ZHX2: variants seen among roughly 807,000 people sequenced by gnomAD.
The protein encoded by ZHX2 is zinc fingers and homeoboxes 2.
In ZHX2, 6 loss-of-function variants were observed where a neutral mutation model predicts 21.9. The ratio of observed to expected loss-of-function variants is 0.27; its 90% confidence interval spans 0.15 to 0.54. The LOEUF is 0.54. Ranked by LOEUF, ZHX2 falls within the 20% of genes least tolerant of loss-of-function variation. The pLI is 0.95. For missense variants in ZHX2, 908 were observed against 1,090.7 expected, an observed-to-expected ratio of 0.83 and a Z score of 2.36; for synonymous variants, 434 against 437.1, an observed-to-expected ratio of 0.99 and a Z score of 0.09.
chr8:122,846,655 C>T (rs146803701), intron 1 of ZHX2, among the ~76,000 whole-genome samples: 1 of 149,260 alleles, frequency 6.7e-6, no homozygotes, highest in Non-Finnish European at 1.5e-5. Context: ...CCTTAAATAA[C>T]CTTTGTCCTA....
At chr8:122,908,029 G>A (rs1004927517) in intron 2 of ZHX2, among the ~76,000 whole-genome samples, 6 of 152,158 alleles carry the variant, frequency 3.9e-5, no homozygotes, top group East Asian at 1.9e-4. Flanking sequence ...GAAGACCTGC[G>A]TACATCCTTG....
intron 1 of ZHX2, among the ~76,000 whole-genome samples, chr8:122,802,048 G>A (rs1428044055): frequency 2.6e-5 from 4 of 152,038 alleles, no homozygotes. Flanking sequence ...AGTGGAGGTG[G>A]CTGTACAGTT....
intron 1 of ZHX2, among the ~76,000 whole-genome samples, chr8:122,809,377 G>A (rs979977364): frequency 1.3e-5 from 2 of 152,224 alleles, no homozygotes; most frequent in Admixed American, 1.3e-4. Context: ...GTAGGCGCCT[G>A]TAATCCCAGC....
At chr8:122,924,794 A>C (rs771699210) in intron 2 of ZHX2, among the ~76,000 whole-genome samples, 4 of 152,222 alleles carry the variant, frequency 2.6e-5, no homozygotes, top group Non-Finnish European at 4.4e-5. Context: ...AAAATGGTCC[A>C]CCATACCCCA....
At chr8:122,781,509 C>T (rs1035340320), upstream of ZHX2, 6 of 152,514 alleles carry the variant, frequency 3.9e-5, no homozygotes, top group African/African-American at 1.4e-4. This position sits in a 1 kb window ranked among gnomAD's most constrained non-coding sequence, Gnocchi z 4.6. Flanking sequence ...CTAGCCTCCC[C>T]CCCAGCTCCT....
intron 1 of ZHX2, among the ~76,000 whole-genome samples, chr8:122,832,244 G>A (rs1235643729): frequency 6.6e-6 from 1 of 152,218 alleles, no homozygotes; most frequent in Non-Finnish European, 1.5e-5. Flanking sequence ...GGGCAGAGAT[G>A]AGACTTAGTA....
In ZHX2 at chr8:122,819,368, C is replaced by G. The variant is rs77757173; in HGVS notation, c.-283+37422C>G. Among the ~76,000 whole-genome samples, 85 of 152,318 alleles carry G rather than the reference C, an allele frequency of 5.6e-4. No individual in the cohort carries two copies. In the East Asian group the frequency reaches 0.015, roughly 27 times the overall value. ...AATGCATGGCATAGAGTAAGCATGC[C>G]AGCAGTCCAGACCGTTATTCCCAGC... On this transcript the variant is annotated intron_variant, in intron 1 of 3. Transcript: ENST00000314393.
Position 122,809,674 on chromosome 8 carries a change from G to A in ZHX2, c.-283+27728G>A, listed in dbSNP as rs746884902. The stretch of plus-strand genomic sequence containing the variant: ...GAAACCAATGTGCCTGAGGGGACCC[G>A]AACCACACCCTTGCCCCACTTGTCA... On this transcript the variant is annotated intron_variant, in intron 1 of 3. Transcript: ENST00000314393. Among the ~76,000 whole-genome samples the A allele has an allele frequency of 1.6e-4, 24 of 152,240 alleles. No individual in the cohort carries two copies. The South Asian group carries it at 2.1e-3, about 13-fold the overall frequency.
chr8:122,849,556 C>T (rs1428639494), intron 1 of ZHX2, among the ~76,000 whole-genome samples: 1 of 152,126 alleles, frequency 6.6e-6, no homozygotes, highest in Non-Finnish European at 1.5e-5. Flanking sequence ...GCTGGCATTC[C>T]TTGTGGCTGC....
intron 2 of ZHX2, among the ~76,000 whole-genome samples, chr8:122,901,288 G>A (rs1290240310): frequency 6.6e-6 from 1 of 152,162 alleles, no homozygotes; most frequent in Non-Finnish European, 1.5e-5. Flanking sequence ...TACCTCCCCT[G>A]CTTCTGGAAG....
intron 1 of ZHX2, among the ~76,000 whole-genome samples, chr8:122,852,512 G>T (rs4871316): frequency 0.26 from 39,457 of 151,454 alleles, 5,226 homozygotes; most frequent in Middle Eastern, 0.38. Flanking sequence ...GCTAATCATC[G>T]GCAGGCCCAG....
chr8:122,851,684 G>A (rs918099307), intron 1 of ZHX2, among the ~76,000 whole-genome samples: 2 of 152,234 alleles, frequency 1.3e-5, no homozygotes, highest in African/African-American at 4.8e-5. Flanking sequence ...AACTGGCTTT[G>A]TATGCATGAC....
At chr8:122,970,508 C>G (rs1813694216) in intron 3 of ZHX2, among the ~76,000 whole-genome samples, 1 of 152,164 alleles carries the variant, frequency 6.6e-6, no homozygotes, top group African/African-American at 2.4e-5. Flanking sequence ...CCAACCTCAG[C>G]ACGTAGCCAG....
intron 1 of ZHX2, among the ~76,000 whole-genome samples, chr8:122,846,878 A>T (rs984048483): frequency 6.6e-6 from 1 of 152,168 alleles, no homozygotes; most frequent in Admixed American, 6.5e-5. Context: ...CTAAGGTAAG[A>T]TAAATGGTGT....
chr8:122,884,598 G>C (rs1819794976), intron 2 of ZHX2, among the ~76,000 whole-genome samples: 1 of 152,222 alleles, frequency 6.6e-6, no homozygotes, highest in African/African-American at 2.4e-5. Flanking sequence ...TAGAACCTGA[G>C]TGCAAAAGCT....
At chr8:122,846,317 G>A (rs751156471) in intron 1 of ZHX2, among the ~76,000 whole-genome samples, 9 of 152,184 alleles carry the variant, frequency 5.9e-5, no homozygotes, top group Non-Finnish European at 1.0e-4. Flanking sequence ...CCAAACATGC[G>A]TCCTTCTCTG....
intron 1 of ZHX2, among the ~76,000 whole-genome samples, chr8:122,787,232 T>C (rs1207447669): frequency 6.6e-6 from 1 of 151,962 alleles, no homozygotes; most frequent in Non-Finnish European, 1.5e-5. Context: ...TACCTCTCTT[T>C]CCCCCCTGGT....
At chr8:122,791,694 G>A (rs545278831) in intron 1 of ZHX2, among the ~76,000 whole-genome samples, 7 of 152,012 alleles carry the variant, frequency 4.6e-5, no homozygotes, top group African/African-American at 1.5e-4. Flanking sequence ...GTGAAACCCC[G>A]TCTCTACCAA....
At chr8:122,832,920 A>G (rs1175014736) in intron 1 of ZHX2, among the ~76,000 whole-genome samples, 1 of 152,158 alleles carries the variant, frequency 6.6e-6, no homozygotes, top group Non-Finnish European at 1.5e-5. Flanking sequence ...GGGGCTACAC[A>G]GGAGCAGATC....
Sources: gnomAD v4.1 joint callset for allele counts (sites outside exome capture counted in the v4.1 genomes callset) on GRCh38, gnomAD v4.1.1 for gene constraint, Gnocchi (gnomAD v3.1) non-coding constraint, MANE v1.5 for transcripts, NCBI Gene and HGNC (gene_info 2026-07-23, HGNC 2026-07-21) for gene names.